VRK2: variants seen among roughly 807,000 people sequenced by gnomAD.
VRK2 encodes the protein VRK serine/threonine kinase 2, also known as serine/threonine-protein kinase VRK2.
In VRK2, 60 loss-of-function variants were observed where a neutral mutation model predicts 57.6. The ratio of observed to expected loss-of-function variants is 1.04; its 90% CI spans 0.85 to 1.29. The LOEUF is 1.29. Among genes scored for constraint, VRK2 ranks in the 50% most tolerant of loss-of-function variants. The pLI is 0.00. For synonymous variants in VRK2, 231 were observed against 199.2 expected, an observed-to-expected ratio of 1.16 and a Z score of -1.35; for missense variants, 705 against 588.1, an observed-to-expected ratio of 1.20 and a Z score of -2.06.
intron 2 of VRK2, among the ~76,000 whole-genome samples, chr2:58,063,093 C>T (rs1677595140): frequency 6.6e-6 from 1 of 151,952 alleles, no homozygotes; most frequent in South Asian, 2.1e-4. Context: ...ATTATGTTTA[C>T]TATCTATTCT....
intron 7 of VRK2, among the ~76,000 whole-genome samples, chr2:58,098,651 A>G (rs1673509571): frequency 6.6e-6 from 1 of 152,048 alleles, no homozygotes; most frequent in African/African-American, 2.4e-5. Flanking sequence ...CTAGGTGTGT[A>G]GAAGGCTGTA....
intron 11 of VRK2, among the ~76,000 whole-genome samples, chr2:58,142,298 T>C (rs1476179160): frequency 6.6e-6 from 1 of 151,608 alleles, no homozygotes; most frequent in African/African-American, 2.4e-5. Flanking sequence ...TCACCAAACT[T>C]ACATCACCTT....
chr2:57,927,532 C>T (rs1156438318), intron 1 of VRK2, among the ~76,000 whole-genome samples: 1 of 152,162 alleles, frequency 6.6e-6, no homozygotes, highest in Admixed American at 6.5e-5. Context: ...GCCTCGGCCT[C>T]CCAAACTGAT....
intron 4 of VRK2, 94 bp downstream of exon 4, chr2:58,085,044 C>A: frequency 1.7e-6 from 2 of 1,157,064 alleles, no homozygotes; most frequent in Non-Finnish European, 2.4e-6. Flanking sequence ...CTGGAAAATT[C>A]TTTTCAATAG....
At chr2:58,033,630 G>A (rs1674184177) in intron 3 of VRK2, 4 of 151,940 alleles carry the variant, frequency 2.6e-5, no homozygotes, top group Admixed American at 1.3e-4. Flanking sequence ...AATTAATACA[G>A]ACTACCTTTA....
At chr2:58,092,097 G>A (rs1008624382) in intron 7 of VRK2, among the ~76,000 whole-genome samples, 1 of 152,138 alleles carries the variant, frequency 6.6e-6, no homozygotes, top group African/African-American at 2.4e-5. Context: ...TTTGACAGAT[G>A]TATGTATCAT....
intron 7 of VRK2, among the ~76,000 whole-genome samples, chr2:58,095,930 G>A (rs1205860307): frequency 6.6e-6 from 1 of 152,082 alleles, no homozygotes; most frequent in African/African-American, 2.4e-5. Context: ...GAATATGAGT[G>A]TGTGTGTATC....
chr2:58,068,100 T>C (rs1668872721), intron 2 of VRK2, among the ~76,000 whole-genome samples: 1 of 152,096 alleles, frequency 6.6e-6, no homozygotes, highest in Admixed American at 6.6e-5. Flanking sequence ...CAGCTAATTT[T>C]TCTATTTTTA....
intron 2 of VRK2, among the ~76,000 whole-genome samples, chr2:58,053,234 T>C (rs1394958762): frequency 6.6e-6 from 1 of 152,216 alleles, no homozygotes; most frequent in Non-Finnish European, 1.5e-5. Flanking sequence ...TGCATGTGCT[T>C]TATTGACAGG....
intron 1 of VRK2, among the ~76,000 whole-genome samples, chr2:57,912,802 G>C: frequency 6.6e-6 from 1 of 152,098 alleles, no homozygotes; most frequent in South Asian, 2.1e-4. Context: ...GGCTGTTATG[G>C]ACTAAATATT....
intron 1 of VRK2, among the ~76,000 whole-genome samples, chr2:57,949,161 A>T (rs1671349685): frequency 6.6e-6 from 1 of 152,206 alleles, no homozygotes. Flanking sequence ...ATTTGAAAAT[A>T]GCTGGAAAAA....
At chr2:57,925,166 T>C (rs1368076348) in intron 1 of VRK2, among the ~76,000 whole-genome samples, 1 of 152,118 alleles carries the variant, frequency 6.6e-6, no homozygotes, top group Non-Finnish European at 1.5e-5. Context: ...GCTGGAAGTT[T>C]TCTTTTTTTG....
intron 1 of VRK2, among the ~76,000 whole-genome samples, chr2:57,922,015 G>T (rs1301111853): frequency 1.3e-5 from 2 of 151,906 alleles, no homozygotes; most frequent in Admixed American, 6.6e-5. Flanking sequence ...AGTATCCTCT[G>T]TAAACTCTAA....
chr2:58,001,961 C>T (rs893450458), intron 1 of VRK2, among the ~76,000 whole-genome samples: 1 of 152,040 alleles, frequency 6.6e-6, no homozygotes, highest in Non-Finnish European at 1.5e-5. Context: ...CTTTGTGTGA[C>T]TAGAATTTAA....
At chr2:58,142,807 C>G (rs1430118328) in intron 11 of VRK2, among the ~76,000 whole-genome samples, 1 of 151,840 alleles carries the variant, frequency 6.6e-6, no homozygotes, top group Non-Finnish European at 1.5e-5. Context: ...CCAGAGGATC[C>G]TTTTAATCGT....
chr2:58,019,645 T>A (rs1308013531), intron 1 of VRK2, among the ~76,000 whole-genome samples: 1 of 152,252 alleles, frequency 6.6e-6, no homozygotes, highest in Admixed American at 6.5e-5. Context: ...AAGTGCTTTT[T>A]AATGTTTGCA....
chr2:58,074,825 G>T lies in VRK2; in HGVS notation c.137-9264G>T, dbSNP rs187065046. ...AGGTGGGTCTACTGTTGATGTGCTG[G>T]TAAGGTGTGGGAGAATATGAGACCT... On this transcript the variant is annotated intron_variant, in intron 2 of 12. Transcript: ENST00000340157. 1.1e-4 allele frequency among the ~76,000 whole-genome samples: 17 copies of T among 152,152 alleles called. 1 individual carries two copies. The East Asian group carries it at 3.1e-3, about 28-fold the overall frequency.
intron 1 of VRK2, among the ~76,000 whole-genome samples, chr2:57,908,349 C>A (rs1342895274): frequency 4.6e-5 from 7 of 152,096 alleles, no homozygotes; most frequent in African/African-American, 1.4e-4. Flanking sequence ...TGACAAAATT[C>A]TGAAATTGGC....
chr2:58,084,192 T>C (rs1671295814), intron 3 of VRK2, 54 bp downstream of exon 3: 2 of 1,535,682 alleles, frequency 1.3e-6, no homozygotes, highest in Admixed American at 1.8e-5. Flanking sequence ...TTTCCTTTTC[T>C]GCTTTAAGAA....
Sources: gnomAD v4.1 joint callset for allele counts (sites outside exome capture counted in the v4.1 genomes callset) on GRCh38, gnomAD v4.1.1 for gene constraint, MANE v1.5 for transcripts, NCBI Gene and HGNC (gene_info 2026-07-23, HGNC 2026-07-21) for gene names.